The following SNX14 variants were observed in gnomAD, a reference collection of about 807,000 sequenced individuals.
SNX14 encodes the protein sorting nexin 14.
Under a neutral mutation model 133.8 loss-of-function variants are expected in SNX14, and 93 were observed. The ratio of observed to expected loss-of-function variants is 0.70; its 90% CI spans 0.59 to 0.83. SNX14 has a LOEUF of 0.83. Among genes scored for constraint, SNX14 ranks in the 40% least tolerant of loss-of-function variants. SNX14 has a pLI of 0.00. For synonymous variants in SNX14, 368 were observed against 365.6 expected, an observed-to-expected ratio of 1.01 and a Z score of -0.07; for missense variants, 945 against 1,094.9, an observed-to-expected ratio of 0.86 and a Z score of 1.93.
intron 1 of SNX14, among the ~76,000 whole-genome samples, chr6:85,585,958 C>G (rs570372291): frequency 7.1e-6 from 1 of 141,836 alleles, no homozygotes; most frequent in African/African-American, 2.6e-5. Context: ...CATGGCATCA[C>G]TAAAGTCTTC....
Position 85,593,784 on chromosome 6 carries a change from A to G in SNX14, c.-66T>C, listed in dbSNP as rs1803809961. ...CAGAGGTCAAGGCGACCCCCCATCCACACCTCGCGTCCCCGCCCCACCGAC... is the reference window on the plus strand; with the variant it reads ...CAGAGGTCAAGGCGACCCCCCATCCGCACCTCGCGTCCCCGCCCCACCGAC... On this transcript the variant is annotated 5_prime_UTR_variant, in exon 1 of 29. Transcript: ENST00000314673. 1.3e-6 allele frequency: 2 copies of G among 1,596,410 alleles called. 1 individual carries two copies. The highest frequency in any genetic ancestry group is 2.2e-5 in the South Asian group (2 of 89,706).
chr6:85,549,920 C>T (rs762344278), intron 7 of SNX14, 41 bp from the exon 8 acceptor site: 4 of 1,541,006 alleles, frequency 2.6e-6, no homozygotes, highest in African/African-American at 1.4e-5. Flanking sequence ...AGTTAAGTGA[C>T]ATTAAATAAT....
chr6:85,571,135 G>A (rs933506117), intron 4 of SNX14, among the ~76,000 whole-genome samples: 1 of 151,874 alleles, frequency 6.6e-6, no homozygotes, highest in Non-Finnish European at 1.5e-5. Context: ...GGTGGATCAC[G>A]AGGTCAGGAG....
chr6:85,551,712 G>A (rs1172351172), intron 7 of SNX14, among the ~76,000 whole-genome samples: 1 of 152,178 alleles, frequency 6.6e-6, no homozygotes, highest in Non-Finnish European at 1.5e-5. Flanking sequence ...TTCCTTTTCA[G>A]AGAACTTGTG....
chr6:85,592,625 T>G (rs1200961057), intron 1 of SNX14, among the ~76,000 whole-genome samples: 1 of 152,162 alleles, frequency 6.6e-6, no homozygotes, highest in African/African-American at 2.4e-5. Context: ...TCAATTGAAT[T>G]TATCAATTTT....
At chr6:85,571,981 C>G (rs1431318369) in intron 4 of SNX14, among the ~76,000 whole-genome samples, 156 bp downstream of exon 4, 2 of 152,172 alleles carry the variant, frequency 1.3e-5, no homozygotes, top group South Asian at 4.1e-4. Context: ...GCTTACTACT[C>G]AAGTTGTTTA....
chr6:85,505,905 A>C lies in SNX14; in HGVS notation c.*62T>G. The C allele has an allele frequency of 1.7e-6, 2 of 1,176,532 alleles. No homozygotes were observed. The highest frequency in any genetic ancestry group is 2.5e-5 in the South Asian group (2 of 80,174). The allele number at this position is 1,176,532 out of a possible 1,614,324, so 72.9% of individuals were successfully genotyped here. On this transcript the variant is annotated 3_prime_UTR_variant, in exon 29 of 29. Transcript: ENST00000314673. ...ATATAAGAATATACCCAAAAAAGTA[A>C]ATTTCTACCACCCTCGCACAGCAGA...
intron 4 of SNX14, 103 bp downstream of exon 4, chr6:85,572,034 G>A: frequency 1.1e-6 from 1 of 879,148 alleles, no homozygotes; most frequent in Non-Finnish European, 1.8e-6. Flanking sequence ...TAAGTGACAT[G>A]TATTAAGATG....
intron 21 of SNX14, among the ~76,000 whole-genome samples, 180 bp from the exon 22 acceptor site, chr6:85,518,228 T>G (rs1425530324): frequency 1.3e-5 from 2 of 152,152 alleles, no homozygotes; most frequent in African/African-American, 4.8e-5. Context: ...TCTGAAATAT[T>G]TATAGATAGA....
intron 1 of SNX14, among the ~76,000 whole-genome samples, chr6:85,584,117 T>C (rs1348402962): frequency 1.3e-5 from 2 of 152,148 alleles, no homozygotes; most frequent in African/African-American, 4.8e-5. Flanking sequence ...CATCTGATCT[T>C]TGACAAACCT....
At chr6:85,523,328 G>A (rs565231217) in intron 21 of SNX14, among the ~76,000 whole-genome samples, 11 of 152,182 alleles carry the variant, frequency 7.2e-5, no homozygotes, top group Non-Finnish European at 1.3e-4. Context: ...TAGAGAGCAG[G>A]AGGAGGATGG....
chr6:85,546,816 G>T (rs558355884), intron 12 of SNX14, among the ~76,000 whole-genome samples: 6 of 151,994 alleles, frequency 3.9e-5, no homozygotes, highest in Non-Finnish European at 8.8e-5. Context: ...TACAAAATTA[G>T]CTGGGGTGCT....
intron 23 of SNX14, among the ~76,000 whole-genome samples, chr6:85,516,668 T>A (rs1775117970): frequency 6.8e-6 from 1 of 147,768 alleles, no homozygotes; most frequent in Admixed American, 6.7e-5. Context: ...GACAGAGTCT[T>A]GCTCTGTCCC....
intron 15 of SNX14, among the ~76,000 whole-genome samples, chr6:85,540,348 G>A (rs1386597152): frequency 6.6e-6 from 1 of 152,136 alleles, no homozygotes; most frequent in East Asian, 1.9e-4. Flanking sequence ...CCACGTCCTG[G>A]TATGAAACTC....
intron 7 of SNX14, among the ~76,000 whole-genome samples, chr6:85,553,326 T>C (rs1027441087): frequency 6.6e-6 from 1 of 152,200 alleles, no homozygotes; most frequent in Non-Finnish European, 1.5e-5. Flanking sequence ...GCCAAGCTTT[T>C]CTCCATTAGA....
intron 15 of SNX14, among the ~76,000 whole-genome samples, chr6:85,541,479 T>G (rs1374090719): frequency 6.6e-6 from 1 of 152,170 alleles, no homozygotes; most frequent in African/African-American, 2.4e-5. Context: ...CATGTAACCT[T>G]GCAAACACAA....
At chr6:85,593,139 A>C (rs916392985) in intron 1 of SNX14, among the ~76,000 whole-genome samples, 43 of 152,090 alleles carry the variant, frequency 2.8e-4, no homozygotes, top group African/African-American at 9.4e-4. Context: ...CTGCAAGCTG[A>C]GGGGGTGGGA....
chr6:85,523,356 T>C (rs958552908), intron 21 of SNX14, among the ~76,000 whole-genome samples: 1 of 151,846 alleles, frequency 6.6e-6, no homozygotes, highest in Non-Finnish European at 1.5e-5. Context: ...GGAGACTAGA[T>C]AGGAAACTTA....
chr6:85,514,345 C>T (rs1190520440), intron 24 of SNX14, 111 bp from the exon 25 acceptor site: 5 of 1,457,558 alleles, frequency 3.4e-6, no homozygotes, highest in Non-Finnish European at 4.6e-6. Context: ...TTTGTAAACA[C>T]TAGCAACTTT....
Sources: allele counts gnomAD v4.1 joint callset (sites outside exome capture counted in the v4.1 genomes callset), GRCh38; gene constraint gnomAD v4.1.1; transcripts MANE v1.5; gene names NCBI Gene and HGNC (gene_info 2026-07-23, HGNC 2026-07-21).